Variants in EIPR1 observed in about 807,000 individuals in gnomAD.
EIPR1 encodes EARP complex and GARP complex interacting protein 1, also known as EARP and GARP complex-interacting protein 1.
EIPR1 carries 25 observed loss-of-function variants against 48.1 expected under a neutral mutation model. That is an observed-to-expected ratio of 0.52 (90% CI 0.38 to 0.73). The LOEUF (loss-of-function observed/expected upper bound fraction) is 0.73. EIPR1 is among the 30% of genes least tolerant of loss of function. The pLI, the probability that EIPR1 is intolerant of heterozygous loss-of-function variation, is 0.00. For missense variants in EIPR1, 415 were observed against 506.2 expected (o/e 0.82, Z 1.73); for synonymous variants, 204 against 201.9 (o/e 1.01, Z -0.09).
chr2:3,250,353 G>T (rs766865440), intron 4 of EIPR1, among the ~76,000 whole-genome samples: 1 of 152,250 alleles, frequency 6.6e-6, no homozygotes. Flanking sequence ...CATGGGGCCT[G>T]CTGCCCCTCT....
At chr2:3,248,280 T>G (rs1666898805) in intron 4 of EIPR1, among the ~76,000 whole-genome samples, 1 of 152,136 alleles carries the variant, frequency 6.6e-6, no homozygotes, top group African/African-American at 2.4e-5. Context: ...AAACCCCATC[T>G]CTACTAAAAA....
At chr2:3,258,503 TAAAA>T (rs11372674) in intron 3 of EIPR1, among the ~76,000 whole-genome samples, 1 of 151,738 alleles carries the variant, frequency 6.6e-6, no homozygotes, top group Non-Finnish European at 1.5e-5. Context: ...CGTTAGAACA[TAAAA>T]AAACATTTCA....
Position 3,287,700 on chromosome 2 carries a change from A to G in EIPR1, c.260-30245T>C, listed in dbSNP as rs143683456. 2.7e-3 allele frequency among the ~76,000 whole-genome samples: 347 copies of G among 130,402 alleles called. 7 individuals carry two copies. The East Asian group carries it at 0.06, about 22-fold the overall frequency. 85.5% of individuals were successfully genotyped at this position (130,402 alleles called of 152,430 possible). Reference sequence around the variant, plus strand: ...GCGTTCACCACGCTCCAGAAAGCTCATTCACCACGCTCCAGAAAGCTCGTT... The same window carrying G: ...GCGTTCACCACGCTCCAGAAAGCTCGTTCACCACGCTCCAGAAAGCTCGTT... On this transcript the variant is annotated intron_variant, in intron 3 of 8. Transcript: ENST00000382125.
chr2:3,353,218 G>A (rs1160575951), intron 2 of EIPR1: 2 of 470,834 alleles, frequency 4.2e-6, no homozygotes, highest in African/African-American at 4.0e-5. Context: ...AGGTTTCCTG[G>A]CATCCGCTGG....
At chr2:3,260,416 G>C (rs937474989) in intron 3 of EIPR1, among the ~76,000 whole-genome samples, 2 of 148,724 alleles carry the variant, frequency 1.3e-5, no homozygotes, top group Non-Finnish European at 3.0e-5. Flanking sequence ...GCTTGAATCT[G>C]GGGGGTGGAG....
chr2:3,205,690 T>C (rs979241656), intron 5 of EIPR1, among the ~76,000 whole-genome samples: 2 of 152,252 alleles, frequency 1.3e-5, no homozygotes, highest in Non-Finnish European at 2.9e-5. Context: ...CTATCTCTGG[T>C]TGGGAATTCC....
intron 3 of EIPR1, among the ~76,000 whole-genome samples, chr2:3,285,740 C>T (rs1423689841): frequency 5.2e-5 from 3 of 57,612 alleles, no homozygotes; most frequent in Non-Finnish European, 1.0e-4. Context: ...CCGACTGTCT[C>T]CGGGACCCTC....
At chr2:3,367,285 G>A (rs552030538) in intron 1 of EIPR1, among the ~76,000 whole-genome samples, 4 of 152,096 alleles carry the variant, frequency 2.6e-5, no homozygotes, top group Non-Finnish European at 5.9e-5. Context: ...TTATTGCAGG[G>A]AATAAATATT....
chr2:3,198,666 T>C (rs1460938559), intron 5 of EIPR1, among the ~76,000 whole-genome samples: 1 of 152,128 alleles, frequency 6.6e-6, no homozygotes, highest in African/African-American at 2.4e-5. Context: ...AGACATCACA[T>C]GTCAGCAGGT....
chr2:3,267,471 T>A (rs1667526010), intron 3 of EIPR1, among the ~76,000 whole-genome samples: 1 of 152,220 alleles, frequency 6.6e-6, no homozygotes, highest in South Asian at 2.1e-4. Context: ...CAGTGCATGA[T>A]CATAAACTTA....
At chr2:3,365,967 G>A (rs1670964333) in intron 1 of EIPR1, among the ~76,000 whole-genome samples, 1 of 43,000 alleles carries the variant, frequency 2.3e-5, no homozygotes, top group Non-Finnish European at 8.5e-5. Context: ...GGGAGGTGGG[G>A]GGGTCAGCCC....
chr2:3,202,831 C>A (rs1026101535), intron 5 of EIPR1, among the ~76,000 whole-genome samples: 1 of 152,236 alleles, frequency 6.6e-6, no homozygotes, highest in Non-Finnish European at 1.5e-5. Context: ...CTTAAGGACT[C>A]GTCTAGATTT....
intron 3 of EIPR1, among the ~76,000 whole-genome samples, chr2:3,334,542 C>T (rs566960460): frequency 6.6e-6 from 1 of 152,248 alleles, no homozygotes; most frequent in Non-Finnish European, 1.5e-5. Flanking sequence ...CCTTGCCCCA[C>T]GGGTGCGACC....
chr2:3,267,435 C>T (rs1009563353), intron 3 of EIPR1, among the ~76,000 whole-genome samples: 1 of 152,242 alleles, frequency 6.6e-6, no homozygotes, highest in African/African-American at 2.4e-5. Context: ...TGGCCTGCGT[C>T]GCAGCAGCGG....
intron 4 of EIPR1, among the ~76,000 whole-genome samples, chr2:3,217,248 A>G (rs888246614): frequency 6.6e-6 from 1 of 152,208 alleles, no homozygotes; most frequent in Non-Finnish European, 1.5e-5. Flanking sequence ...GGAATTTGAA[A>G]CACTAGCATG....
chr2:3,331,009 CAT>C (rs928308341), intron 3 of EIPR1, among the ~76,000 whole-genome samples: 1 of 149,662 alleles, frequency 6.7e-6, no homozygotes, highest in African/African-American at 2.5e-5. Context: ...TGCACACACT[CAT>C]GAGGTGGTGT....
At chr2:3,252,350 G>A (rs1329276762) in intron 4 of EIPR1, among the ~76,000 whole-genome samples, 1 of 152,204 alleles carries the variant, frequency 6.6e-6, no homozygotes, top group Non-Finnish European at 1.5e-5. Flanking sequence ...CAGCACTTTC[G>A]GAGGCTGAGG....
intron 1 of EIPR1, among the ~76,000 whole-genome samples, chr2:3,358,652 T>A (rs893599049): frequency 2.6e-5 from 4 of 152,218 alleles, no homozygotes; most frequent in Non-Finnish European, 4.4e-5. Context: ...ATTTTGCATA[T>A]AATTATCAGC....
At chr2:3,349,382 C>T (rs1220753266) in intron 2 of EIPR1, among the ~76,000 whole-genome samples, 2 of 152,270 alleles carry the variant, frequency 1.3e-5, no homozygotes, top group Non-Finnish European at 2.9e-5. Context: ...AACTGTGAGC[C>T]CTGGGAAGAG....
Sources: gnomAD v4.1 joint callset for allele counts (sites outside exome capture counted in the v4.1 genomes callset) on GRCh38, gnomAD v4.1.1 for gene constraint, MANE v1.5 for transcripts, NCBI Gene and HGNC (gene_info 2026-07-23, HGNC 2026-07-21) for gene names.